Variants in PDE4D observed in about 807,000 individuals in gnomAD.
PDE4D encodes phosphodiesterase 4D, also known as 3',5'-cyclic-AMP phosphodiesterase 4D.
PDE4D carries 24 observed loss-of-function variants against 87.4 expected under a neutral mutation model. The ratio of observed to expected loss-of-function variants is 0.27; its 90% CI spans 0.20 to 0.39. The LOEUF is 0.39. PDE4D is among the 10% of genes least tolerant of loss of function. The probability of loss-of-function intolerance (pLI) is 1.00; values close to 1 mark genes in which losing one functional copy is unlikely to be tolerated. For missense variants in PDE4D, 714 were observed against 1,041.0 expected, an observed-to-expected ratio of 0.69 and a Z score of 4.32; for synonymous variants, 384 against 383.2, an observed-to-expected ratio of 1.00 and a Z score of -0.02.
At chr5:59,364,931 C>T (rs1465510577) in intron 1 of PDE4D, among the ~76,000 whole-genome samples, 1 of 151,898 alleles carries the variant, frequency 6.6e-6, no homozygotes, top group African/African-American at 2.4e-5. Context: ...TTTAGCATCA[C>T]CTCACATGTC....
At chr5:59,348,623 CT>C (rs5868176) in intron 1 of PDE4D, among the ~76,000 whole-genome samples, 61 of 130,026 alleles carry the variant, frequency 4.7e-4, no homozygotes, top group Admixed American at 1.2e-3. Flanking sequence ...CACTTCAAAG[CT>C]TTTTTTTTTT....
chr5:60,303,311 T>TTTC (rs1554201695), intron 1 of PDE4D, among the ~76,000 whole-genome samples: 2 of 149,612 alleles, frequency 1.3e-5, no homozygotes, highest in African/African-American at 4.9e-5. Context: ...GGATTTCTTT[T>TTTC]TTTTTTTTTT....
intron 1 of PDE4D, among the ~76,000 whole-genome samples, chr5:59,322,577 C>T (rs905908843): frequency 4.6e-5 from 7 of 152,120 alleles, no homozygotes; most frequent in Non-Finnish European, 8.8e-5. Context: ...TGGGTCAAAT[C>T]CAATGCTATC....
chr5:60,237,047 T>C (rs1479209975), intron 1 of PDE4D, among the ~76,000 whole-genome samples: 1 of 151,878 alleles, frequency 6.6e-6, no homozygotes, highest in Non-Finnish European at 1.5e-5. Context: ...AAGACATCAC[T>C]ACACACCTCT....
intron 1 of PDE4D, among the ~76,000 whole-genome samples, chr5:60,310,637 G>A (rs897483821): frequency 1.3e-5 from 2 of 152,152 alleles, no homozygotes; most frequent in East Asian, 3.9e-4. Flanking sequence ...AACAGATACC[G>A]ACATTATAAC....
At chr5:59,531,963 T>G (rs1359147073) in intron 1 of PDE4D, among the ~76,000 whole-genome samples, 2 of 152,242 alleles carry the variant, frequency 1.3e-5, no homozygotes. Context: ...CACAGATTTT[T>G]ATTTGTTTGA....
intron 1 of PDE4D, among the ~76,000 whole-genome samples, chr5:60,383,622 A>G (rs1035400890): frequency 6.6e-6 from 1 of 152,218 alleles, no homozygotes; most frequent in Non-Finnish European, 1.5e-5. Flanking sequence ...GACTTGTCCC[A>G]GTTCAGAGAG....
chr5:59,388,386 G>A (rs1787526428), intron 1 of PDE4D, among the ~76,000 whole-genome samples: 1 of 152,016 alleles, frequency 6.6e-6, no homozygotes, highest in Admixed American at 6.6e-5. Context: ...TTACACTGTT[G>A]GTGGGAATGT....
chr5:59,639,143 T>G (rs970206356), intron 1 of PDE4D, among the ~76,000 whole-genome samples: 8 of 152,204 alleles, frequency 5.3e-5, no homozygotes, highest in African/African-American at 9.6e-5. Flanking sequence ...TTCCAAATTA[T>G]TATACATCTA....
intron 1 of PDE4D, among the ~76,000 whole-genome samples, chr5:59,274,930 C>G (rs1182047900): frequency 3.3e-5 from 5 of 152,070 alleles, no homozygotes; most frequent in Admixed American, 2.6e-4. Flanking sequence ...TTATTAATTT[C>G]TAACACATCT....
At chr5:59,392,333 T>G (rs1164700812) in intron 1 of PDE4D, among the ~76,000 whole-genome samples, 1 of 123,738 alleles carries the variant, frequency 8.1e-6, no homozygotes, top group Non-Finnish European at 1.8e-5. Context: ...CCTACATCTT[T>G]CTCCCATGCT....
chr5:59,149,706 GTTTTTTTTTTT>G (rs76421367), intron 5 of PDE4D, among the ~76,000 whole-genome samples: 26 of 69,278 alleles, frequency 3.8e-4, no homozygotes, highest in African/African-American at 1.4e-3. Context: ...CTCTCCTCGA[GTTTTTTTTTTT>G]TTTTTTTTTT....
intron 1 of PDE4D, among the ~76,000 whole-genome samples, chr5:59,799,996 T>TA: frequency 1.3e-5 from 2 of 152,344 alleles, no homozygotes; most frequent in South Asian, 4.1e-4. Flanking sequence ...GCAGGACTTT[T>TA]AACACTCCCT....
At chr5:59,274,936 C>T (rs1374514599) in intron 1 of PDE4D, among the ~76,000 whole-genome samples, 1 of 152,090 alleles carries the variant, frequency 6.6e-6, no homozygotes, top group Non-Finnish European at 1.5e-5. Flanking sequence ...ATTTCTAACA[C>T]ATCTGTGCTA....
At chr5:59,312,451 C>G (rs1231801557) in intron 1 of PDE4D, among the ~76,000 whole-genome samples, 1 of 152,130 alleles carries the variant, frequency 6.6e-6, no homozygotes, top group Non-Finnish European at 1.5e-5. Flanking sequence ...GGAATATGGG[C>G]CAGGAACCAT....
chr5:60,133,311 C>T (rs981794459), intron 2 of PDE4D, among the ~76,000 whole-genome samples: 3 of 151,960 alleles, frequency 2.0e-5, no homozygotes, highest in Non-Finnish European at 4.4e-5. Context: ...CACTTATTGC[C>T]GTCAACTTAT....
At chr5:59,506,135 G>C (rs1438846133) in intron 1 of PDE4D, among the ~76,000 whole-genome samples, 1 of 152,080 alleles carries the variant, frequency 6.6e-6, no homozygotes, top group Non-Finnish European at 1.5e-5. Context: ...AGTTTGTCTA[G>C]TTGTTAATAA....
chr5:60,325,735 G>T (rs1424225266), intron 1 of PDE4D, among the ~76,000 whole-genome samples: 1 of 151,912 alleles, frequency 6.6e-6, no homozygotes, highest in East Asian at 1.9e-4. Context: ...ACATTGATAT[G>T]GTCAAGATAT....
intron 2 of PDE4D, among the ~76,000 whole-genome samples, chr5:60,142,569 A>G (rs537673877): frequency 2.0e-5 from 3 of 152,326 alleles, no homozygotes; most frequent in Admixed American, 2.0e-4. Context: ...TGGCAGAAAC[A>G]CCAGCATGAG....
Sources: allele counts gnomAD v4.1 joint callset (sites outside exome capture counted in the v4.1 genomes callset), GRCh38; gene constraint gnomAD v4.1.1; transcripts MANE v1.5; gene names NCBI Gene and HGNC (gene_info 2026-07-23, HGNC 2026-07-21).